SMYD3: variants seen among roughly 807,000 people sequenced by gnomAD.
The protein encoded by SMYD3 is SET and MYND domain containing 3, also known as histone-lysine N-methyltransferase SMYD3.
SMYD3 carries 36 observed loss-of-function variants against 57.7 expected under a neutral mutation model. That is an observed-to-expected ratio of 0.62 (90% confidence interval 0.48 to 0.82). The LOEUF (loss-of-function observed/expected upper bound fraction) is 0.82, where lower values mean the gene tolerates loss of function less well. SMYD3 is among the 40% of genes least tolerant of loss of function. The probability of loss-of-function intolerance (pLI) is 0.00; values close to 1 mark genes in which losing one functional copy is unlikely to be tolerated. For synonymous variants in SMYD3, 211 were observed against 195.0 expected (o/e 1.08, Z -0.68); for missense variants, 515 against 538.8 (o/e 0.96, Z 0.44).
intron 1 of SMYD3, among the ~76,000 whole-genome samples, chr1:246,398,958 G>C (rs185054495): frequency 6.0e-4 from 87 of 145,660 alleles, no homozygotes; most frequent in African/African-American, 2.1e-3. Flanking sequence ...GGAGTAGATA[G>C]TTGTAGATTT....
At chr1:246,489,835 G>C (rs1020137833) in intron 1 of SMYD3, among the ~76,000 whole-genome samples, 1 of 151,954 alleles carries the variant, frequency 6.6e-6, no homozygotes, top group Admixed American at 6.6e-5. Flanking sequence ...ATTTGAGCTT[G>C]AAGTCTTTAT....
At chr1:246,170,023 A>G (rs959934628) in intron 5 of SMYD3, among the ~76,000 whole-genome samples, 1 of 152,120 alleles carries the variant, frequency 6.6e-6, no homozygotes, top group Non-Finnish European at 1.5e-5. Context: ...AGAATGTGTT[A>G]CAGTTTAATT....
At chr1:245,953,607 G>A (rs2057735616) in intron 5 of SMYD3, among the ~76,000 whole-genome samples, 1 of 152,134 alleles carries the variant, frequency 6.6e-6, no homozygotes, top group Non-Finnish European at 1.5e-5. Flanking sequence ...TTTTAGTACA[G>A]ACAGGGTTTC....
chr1:246,202,492 G>A lies in SMYD3; in HGVS notation c.531+124709C>T, dbSNP rs562523848. ...TGCCTGCAAGAATTCAGCTGGAACCGAGTCAACTCCTTCCCCCTTTCCTCA... is the reference window on the plus strand; with the variant it reads ...TGCCTGCAAGAATTCAGCTGGAACCAAGTCAACTCCTTCCCCCTTTCCTCA... On this transcript the variant is annotated intron_variant, in intron 5 of 11. Coordinates refer to ENST00000490107, the MANE Select transcript of SMYD3 (RefSeq NM_001167740.2). This position sits in a 1 kb window ranked among gnomAD's most constrained non-coding sequence, Gnocchi z 4.1. 2.2e-4 allele frequency among the ~76,000 whole-genome samples: 34 copies of A among 152,234 alleles called. No individual in the cohort carries two copies. The highest frequency in any genetic ancestry group is 5.5e-4 in the African/African-American group (23 of 41,550).
chr1:246,215,901 T>C (rs2063156253), intron 5 of SMYD3, among the ~76,000 whole-genome samples: 1 of 152,062 alleles, frequency 6.6e-6, no homozygotes, highest in Non-Finnish European at 1.5e-5. Flanking sequence ...AAAAGGGACA[T>C]AAAAATATTT....
intron 1 of SMYD3, among the ~76,000 whole-genome samples, chr1:246,370,513 C>T (rs1420832189): frequency 6.6e-6 from 1 of 152,138 alleles, no homozygotes; most frequent in African/African-American, 2.4e-5. Context: ...CATCTTGTAG[C>T]CTCAATTTCC....
intron 1 of SMYD3, among the ~76,000 whole-genome samples, chr1:246,431,453 G>A (rs2067295351): frequency 6.6e-6 from 1 of 152,196 alleles, no homozygotes; most frequent in African/African-American, 2.4e-5. Context: ...CTTTAGGCCA[G>A]GTGAGGTGGC....
chr1:246,438,408 T>C (rs1010493198), intron 1 of SMYD3, among the ~76,000 whole-genome samples: 1 of 152,066 alleles, frequency 6.6e-6, no homozygotes, highest in Admixed American at 6.6e-5. Flanking sequence ...TAGGGGTGAA[T>C]GATAAGAGAC....
At chr1:245,849,200 T>C (rs1263819631) in intron 10 of SMYD3, among the ~76,000 whole-genome samples, 1 of 152,184 alleles carries the variant, frequency 6.6e-6, no homozygotes, top group Non-Finnish European at 1.5e-5. Context: ...CTTTTCCCAG[T>C]AGACTACTGC....
chr1:245,859,106 A>G (rs2051403880), intron 9 of SMYD3, among the ~76,000 whole-genome samples: 1 of 152,150 alleles, frequency 6.6e-6, no homozygotes. Flanking sequence ...CTTTTTCAAA[A>G]GGAAGAGCTC....
chr1:245,853,519 A>T (rs2051083894), intron 10 of SMYD3, among the ~76,000 whole-genome samples: 1 of 152,190 alleles, frequency 6.6e-6, no homozygotes, highest in Non-Finnish European at 1.5e-5. Context: ...GCGTGGCTGC[A>T]CCAAACGTGC....
intron 5 of SMYD3, among the ~76,000 whole-genome samples, chr1:245,959,496 G>T (rs2147981332): frequency 6.6e-6 from 1 of 152,312 alleles, no homozygotes; most frequent in East Asian, 1.9e-4. Context: ...AGTCTTGGGT[G>T]ATTTCATCTC....
intron 5 of SMYD3, among the ~76,000 whole-genome samples, chr1:246,147,259 G>A (rs570824869): frequency 2.0e-5 from 3 of 151,872 alleles, no homozygotes; most frequent in East Asian, 1.9e-4. Context: ...CTTCAGGAAC[G>A]GCAGCAGCTT....
intron 5 of SMYD3, among the ~76,000 whole-genome samples, chr1:245,976,934 A>ATGTTATTGT (rs1408613089): frequency 1.9e-5 from 1 of 51,994 alleles, no homozygotes; most frequent in Non-Finnish European, 4.3e-5. Flanking sequence ...TCTCTAGCCT[A>ATGTTATTGT]GGGAAAGCCA....
chr1:246,071,656 C>A (rs552116814), intron 5 of SMYD3, among the ~76,000 whole-genome samples: 113 of 152,320 alleles, frequency 7.4e-4, no homozygotes, highest in African/African-American at 2.6e-3. Context: ...AAGTCGAAAT[C>A]TCTGAAATCG....
At chr1:246,223,637 T>C (rs1421543123) in intron 5 of SMYD3, among the ~76,000 whole-genome samples, 1 of 152,162 alleles carries the variant, frequency 6.6e-6, no homozygotes, top group Non-Finnish European at 1.5e-5. Context: ...ACGACTATAC[T>C]ATAGGTGCTG....
chr1:245,887,882 CAG>C (rs2053174173), intron 8 of SMYD3, among the ~76,000 whole-genome samples: 1 of 151,998 alleles, frequency 6.6e-6, no homozygotes, highest in Admixed American at 6.6e-5. Flanking sequence ...AGGAGAGAAA[CAG>C]GGAGGGAGGG....
At position 246,507,267 on chromosome 1, in the gene SMYD3, C is replaced by T. The variant is rs1290448169; in HGVS notation, c.-50G>A. 2.1e-6 allele frequency: 3 copies of T among 1,446,850 alleles called. No homozygotes were observed. Among genetic ancestry groups the T allele is most frequent in the East Asian group, 2.9e-5 (1 of 34,158 alleles). The allele number at this position is 1,446,850 out of a possible 1,614,324, so 89.6% of individuals were successfully genotyped here. A position where few individuals can be genotyped will look rare whatever the true frequency, so the allele number is the denominator to read the frequency against. The stretch of plus-strand genomic sequence containing the variant: ...ACGGCTACCCGCGTCCAGCAGCGGG[C>T]GTCTCACGGGCTGCCGGGACCCGCG... On this transcript the variant is annotated 5_prime_UTR_variant, in exon 1 of 12. Transcript: ENST00000490107.
At position 246,507,000 on chromosome 1, in the gene SMYD3, C is replaced by A. The variant is rs892758295; in HGVS notation, c.164+54G>T. ...GCCGGCCGCCCGACGCCCCCCCCTC[C>A]CCAGCACCCCACACAGCTCGCGACT... On this transcript the variant is annotated intron_variant, in intron 1 of 11. Coordinates refer to ENST00000490107, the MANE Select transcript of SMYD3 (RefSeq NM_001167740.2). The A allele has an allele frequency of 6.2e-5, 71 of 1,139,068 alleles. 2 individuals carry two copies. The highest frequency in any genetic ancestry group is 2.4e-4 in the Middle Eastern group (1 of 4,108). 70.6% of individuals were successfully genotyped at this position (1,139,068 alleles called of 1,614,324 possible). A position where few individuals can be genotyped will look rare whatever the true frequency, so the allele number is the denominator to read the frequency against.
Sources: gnomAD v4.1 joint callset for allele counts (sites outside exome capture counted in the v4.1 genomes callset) on GRCh38, gnomAD v4.1.1 for gene constraint, Gnocchi (gnomAD v3.1) non-coding constraint, MANE v1.5 for transcripts, NCBI Gene and HGNC (gene_info 2026-07-23, HGNC 2026-07-21) for gene names.